PACS2: variants seen among roughly 807,000 people sequenced by gnomAD.
PACS2 encodes phosphofurin acidic cluster sorting protein 2.
A neutral mutation model predicts 113.0 loss-of-function variants in PACS2; 36 were observed. The ratio of observed to expected loss-of-function variants is 0.32; its 90% CI spans 0.24 to 0.42. PACS2 has a LOEUF of 0.42. PACS2 is among the 10% of genes least tolerant of loss of function. The pLI is 1.00. For synonymous variants in PACS2, 589 were observed against 536.1 expected (o/e 1.10, Z -1.36); for missense variants, 1,015 against 1,239.5 (o/e 0.82, Z 2.72).
rs782815663 is a variant in PACS2, at chr14:105,382,083, C to T, written c.1413+25C>T. 1.9e-6 allele frequency: 3 copies of T among 1,539,370 alleles called. No homozygotes were observed. In the South Asian group the frequency reaches 3.6e-5, roughly 19 times the overall value. ...GGTGGGGGTGGAGGGCGTGGCACGC[C>T]CAGGAGGCAGGGCTCGTGGTCACCC... On this transcript the variant is annotated intron_variant, in intron 13 of 24. Coordinates refer to ENST00000447393, the MANE Select transcript of PACS2 (RefSeq NM_001100913.3).
At chr14:105,345,642 C>T (rs189360123) in intron 1 of PACS2, among the ~76,000 whole-genome samples, 2 of 152,324 alleles carry the variant, frequency 1.3e-5, no homozygotes, top group South Asian at 2.1e-4. Context: ...AGGATTTCCC[C>T]GCCATCTTTC....
At chr14:105,361,598 G>A (rs2060680663) in intron 4 of PACS2, among the ~76,000 whole-genome samples, 1 of 152,096 alleles carries the variant, frequency 6.6e-6, no homozygotes, top group Non-Finnish European at 1.5e-5. Context: ...GATTGCACCA[G>A]TGCATTCCAG....
intron 18 of PACS2, among the ~76,000 whole-genome samples, 176 bp from the exon 19 acceptor site, chr14:105,385,509 C>A (rs1338306105): frequency 6.6e-6 from 1 of 152,206 alleles, no homozygotes. Flanking sequence ...TGTCCCACAC[C>A]TTCCCTAGAC....
At chr14:105,362,122 C>CA (rs1414055291) in intron 4 of PACS2, among the ~76,000 whole-genome samples, 17 of 144,714 alleles carry the variant, frequency 1.2e-4, no homozygotes, top group African/African-American at 3.1e-4. Context: ...GAATCTGTCT[C>CA]AAAAAAAAAG....
In PACS2 at chr14:105,382,540, G is replaced by A. The variant is rs1555412324; in HGVS notation, c.1477G>A (p.Glu493Lys). 8.1e-6 allele frequency: 13 copies of A among 1,612,988 alleles called. No homozygotes were observed. Among genetic ancestry groups the A allele is most frequent in the East Asian group, 2.2e-5 (1 of 44,896 alleles). Residue 493 changes from glutamate (E) to lysine (K), a missense_variant, in exon 14 of 25, where the codon GAA (glutamate) becomes AAA (lysine). Coordinates refer to ENST00000447393, the MANE Select transcript of PACS2 (RefSeq NM_001100913.3). ...CCTCATCTCCGATGACCAGCTTCCCGAAAACATCATCCTTGTCAACACCTC... is the reference window on the plus strand; with the variant it reads ...CCTCATCTCCGATGACCAGCTTCCCAAAAACATCATCCTTGTCAACACCTC... ...HILISDDQLPENIILVNTSDW... is the reference protein window; with the variant it reads ...HILISDDQLPKNIILVNTSDW...
rs1439699124 is a variant in PACS2, at chr14:105,368,283, ATC to A, written c.660+141_660+142del. 1.7e-4 allele frequency: 142 copies of A among 811,442 alleles called. 1 individual carries two copies. Among genetic ancestry groups the A allele is most frequent in the Middle Eastern group, 1.7e-3 (5 of 3,012 alleles). 50.3% of individuals were successfully genotyped at this position (811,442 alleles called of 1,614,324 possible). A position where few individuals can be genotyped will look rare whatever the true frequency, so the allele number is the denominator to read the frequency against. On this transcript the variant is annotated intron_variant, in intron 6 of 24. Transcript: ENST00000447393. ...GGGCCTGGCCCCTGGTTGGCCGCCC[ATC>A]TCTCGTCTCCCGACCCCAGGGGCCC...
At chr14:105,388,892 G>A (rs2081266311) in intron 19 of PACS2, 1 of 152,556 alleles carries the variant, frequency 6.6e-6, no homozygotes, top group Non-Finnish European at 1.5e-5. Context: ...GGGGGGCCTT[G>A]AGGCCAGGGG....
chr14:105,377,858 G>A (rs1022822799), intron 9 of PACS2, among the ~76,000 whole-genome samples: 2 of 152,230 alleles, frequency 1.3e-5, no homozygotes, highest in African/African-American at 2.4e-5. Context: ...CCAGGGTCTC[G>A]CTGGGCTCGG....
rs1456748567 is a variant in PACS2, at chr14:105,357,935, G to A, written c.423+2758G>A. On this transcript the variant is annotated intron_variant, in intron 4 of 24. Coordinates refer to ENST00000447393, the MANE Select transcript of PACS2 (RefSeq NM_001100913.3). This position sits in a 1 kb window ranked among gnomAD's most constrained non-coding sequence, Gnocchi z 5.1. ...GTGAGGCGGGCTGTTGGGCGGACTC[G>A]AGGCCAGGGCTGAGAGTGTGGTGGG... Among the ~76,000 whole-genome samples the A allele has an allele frequency of 6.6e-6, 1 of 152,194 alleles. No individual in the cohort carries two copies. The highest frequency in any genetic ancestry group is 1.5e-5 in the Non-Finnish European group (1 of 68,012).
intron 24 of PACS2, among the ~76,000 whole-genome samples, chr14:105,393,968 G>A (rs936111066): frequency 2.0e-5 from 3 of 151,462 alleles, no homozygotes; most frequent in Admixed American, 2.0e-4. Flanking sequence ...AACCCGGGTG[G>A]CGGAGCTTGC....
At chr14:105,359,294 A>G (rs1210957354) in intron 4 of PACS2, among the ~76,000 whole-genome samples, 1 of 145,246 alleles carries the variant, frequency 6.9e-6, no homozygotes, top group South Asian at 2.1e-4. Context: ...CTTTATTTTT[A>G]CTGTGCTTTT....
At chr14:105,367,474 G>A (rs2060979524) in intron 5 of PACS2, 99 bp downstream of exon 5, 1 of 1,207,732 alleles carries the variant, frequency 8.3e-7, no homozygotes. Flanking sequence ...CCTGGCTTAA[G>A]GAGTTGGGGG....
At position 105,392,765 on chromosome 14, in the gene PACS2, G is replaced by T; in HGVS notation, c.2402G>T (p.Ser801Ile). 1 of 1,612,070 alleles carries T rather than the reference G, an allele frequency of 6.2e-7. No individual in the cohort carries two copies. Among genetic ancestry groups the T allele is most frequent in the Non-Finnish European group, 8.5e-7 (1 of 1,179,978 alleles). ...TGCACTTTCCGGTCCCTCCAGGTCA[G>T]CAGGCTGCCCAGCAGCGGCGAGGCT... Reference protein sequence around the residue: ...LKCTFRSLQVSRLPSSGEAAA... With the variant: ...LKCTFRSLQVIRLPSSGEAAA... Residue 801 changes from serine to isoleucine, a missense_variant, in exon 23 of 25, where the codon AGC (serine) becomes ATC (isoleucine). This residue lies in a region of PACS2 where 859 missense variants were observed against 1,056.8 expected (regional missense o/e 0.81). Coordinates refer to ENST00000447393, the MANE Select transcript of PACS2 (RefSeq NM_001100913.3).
At chr14:105,385,384 C>G (rs1319584810) in intron 18 of PACS2, among the ~76,000 whole-genome samples, 2 of 152,216 alleles carry the variant, frequency 1.3e-5, no homozygotes, top group East Asian at 1.9e-4. Context: ...GGTGAGTGAT[C>G]AGCTCGTGTC....
intron 1 of PACS2, among the ~76,000 whole-genome samples, chr14:105,327,003 G>A (rs180817877): frequency 6.6e-6 from 1 of 152,202 alleles, no homozygotes; most frequent in Non-Finnish European, 1.5e-5. Context: ...CACTACACCC[G>A]AATCGACGCA....
intron 7 of PACS2, 81 bp downstream of exon 7, chr14:105,368,620 C>A: frequency 9.3e-7 from 1 of 1,071,488 alleles, no homozygotes; most frequent in Non-Finnish European, 1.5e-6. Flanking sequence ...GGGGGGGACA[C>A]GGGCGTGGGA....
chr14:105,378,344 G>T (rs57091581), intron 9 of PACS2, among the ~76,000 whole-genome samples: 1 of 152,154 alleles, frequency 6.6e-6, no homozygotes. Flanking sequence ...AAGTTTCCAC[G>T]TGGGTTTGTC....
Position 105,381,985 on chromosome 14 carries a change from A to G in PACS2, c.1340A>G (p.Gln447Arg). 2 of 1,550,254 alleles carry G rather than the reference A, an allele frequency of 1.3e-6. No individual in the cohort carries two copies. The highest frequency in any genetic ancestry group is 1.7e-6 in the Non-Finnish European group (2 of 1,147,122). ...SLKERQAARP[Q>R]NERANSLDNE... is the part of the protein sequence containing the mutation. ...AAGGAGCGGCAGGCAGCACGGCCCC[A>G]GAATGAGCGGGCCAACAGCCTGGAC... The change falls in exon 13 of 25, where the codon CAG becomes CGG. Residue 447 changes from glutamine (Q) to arginine (R), a missense_variant. By Grantham distance (43) the Gln-to-Arg change is conservative. Coordinates refer to ENST00000447393, the MANE Select transcript of PACS2 (RefSeq NM_001100913.3).
chr14:105,391,538 G>A, intron 21 of PACS2, 93 bp from the exon 22 acceptor site: 2 of 889,462 alleles, frequency 2.2e-6, no homozygotes, highest in Middle Eastern at 3.7e-4. Flanking sequence ...CCCAGGAGCT[G>A]CCTGGCCTGG....
Sources: allele counts gnomAD v4.1 joint callset (sites outside exome capture counted in the v4.1 genomes callset), GRCh38; gene constraint gnomAD v4.1.1; regional missense constraint gnomAD v4.1.1; non-coding constraint Gnocchi (gnomAD v3.1); transcripts MANE v1.5; gene names NCBI Gene and HGNC (gene_info 2026-07-23, HGNC 2026-07-21).